The following TP53BP2 variants were observed in gnomAD, a reference collection of about 807,000 sequenced individuals.
TP53BP2 encodes apoptosis-stimulating of p53 protein 2.
In TP53BP2, 62 loss-of-function variants were observed where a neutral mutation model predicts 126.2. That is an observed-to-expected ratio of 0.49 (90% CI 0.40 to 0.61). TP53BP2 has a LOEUF of 0.61. Ranked by LOEUF, TP53BP2 falls within the 20% of genes least tolerant of loss-of-function variation. The probability of loss-of-function intolerance (pLI) is 0.00; values close to 1 mark genes in which losing one functional copy is unlikely to be tolerated. For missense variants in TP53BP2, 1,215 were observed against 1,402.8 expected (o/e 0.87, Z 2.14); for synonymous variants, 485 against 502.9 (o/e 0.96, Z 0.48).
chr1:223,806,813 G>C (rs760299064), intron 5 of TP53BP2, 33 bp downstream of exon 5: 1 of 1,557,752 alleles, frequency 6.4e-7, no homozygotes, highest in Non-Finnish European at 8.8e-7. Context: ...GACAGAGTGA[G>C]CATTCATCTC....
chr1:223,812,068 C>CA (rs560438443), intron 3 of TP53BP2, among the ~76,000 whole-genome samples: 3,411 of 130,806 alleles, frequency 0.026, 57 homozygotes, highest in Middle Eastern at 0.088. Flanking sequence ...TATAAAACTA[C>CA]AAAAAAAAAA....
intron 17 of TP53BP2, among the ~76,000 whole-genome samples, chr1:223,782,809 G>T (rs1153943): frequency 0.19 from 29,268 of 151,984 alleles, 4,748 homozygotes; most frequent in African/African-American, 0.43. Flanking sequence ...TTCACTTTCA[G>T]TATTCTTTAA....
At chr1:223,827,698 G>A (rs560919105) in intron 1 of TP53BP2, among the ~76,000 whole-genome samples, 1 of 152,194 alleles carries the variant, frequency 6.6e-6, no homozygotes, top group South Asian at 2.1e-4. Flanking sequence ...GTGTTGACAG[G>A]AAACTAACTA....
At chr1:223,789,967 T>C (rs939974925) in intron 15 of TP53BP2, among the ~76,000 whole-genome samples, 2 of 151,706 alleles carry the variant, frequency 1.3e-5, no homozygotes, top group Non-Finnish European at 2.9e-5. Context: ...TCCCCTTTAT[T>C]CTCCTTGGGT....
At chr1:223,836,034 G>A (rs1183111204) in intron 1 of TP53BP2, among the ~76,000 whole-genome samples, 1 of 152,152 alleles carries the variant, frequency 6.6e-6, no homozygotes, top group Non-Finnish European at 1.5e-5. Context: ...GAGAAACACT[G>A]TGTATAAAGA....
At chr1:223,840,700 T>C (rs1032178563) in intron 1 of TP53BP2, among the ~76,000 whole-genome samples, 1 of 152,238 alleles carries the variant, frequency 6.6e-6, no homozygotes, top group Non-Finnish European at 1.5e-5. Flanking sequence ...TTTTATTGTC[T>C]GCTGAGGCGG....
intron 5 of TP53BP2, 85 bp downstream of exon 5, chr1:223,806,761 T>C (rs1571854807): frequency 3.0e-6 from 3 of 994,338 alleles, no homozygotes; most frequent in South Asian, 2.9e-5. Flanking sequence ...GAGGCGGAGG[T>C]TGCAGTGAGC....
chr1:223,827,974 A>C (rs918253569), intron 1 of TP53BP2, among the ~76,000 whole-genome samples: 2 of 152,176 alleles, frequency 1.3e-5, no homozygotes, highest in Non-Finnish European at 2.9e-5. Context: ...TTTTCTGTCT[A>C]ATAAAAAAAT....
At chr1:223,823,196 C>T (rs1407519247) in intron 1 of TP53BP2, among the ~76,000 whole-genome samples, 1 of 152,200 alleles carries the variant, frequency 6.6e-6, no homozygotes, top group Non-Finnish European at 1.5e-5. Context: ...AGTCACACAA[C>T]TCCCCTTCCA....
chr1:223,802,817 C>T lies in TP53BP2; in HGVS notation c.910G>A (p.Val304Met), dbSNP rs746998207. 11 of 1,614,078 alleles carry T rather than the reference C, an allele frequency of 6.8e-6. No homozygotes were observed. Among genetic ancestry groups the T allele is most frequent in the Admixed American group, 3.3e-5 (2 of 60,006 alleles). The change falls in exon 8 of 18, where the codon GTG becomes ATG. Residue 304 changes from valine to methionine, a missense_variant. Val to Met is a conservative substitution (Grantham distance 21, BLOSUM62 1). This residue lies in a region of TP53BP2 where 814 missense variants were observed against 853.0 expected (regional missense o/e 0.95). Coordinates refer to ENST00000343537, the MANE Select transcript of TP53BP2 (RefSeq NM_001031685.3). Reference protein sequence around the residue: ...RECLNKRNSEVAVMDKRVNEL... With the variant: ...RECLNKRNSEMAVMDKRVNEL... ...TTAACACGCTTATCCATGACTGCCA[C>T]TTCTGAATTACGCTTATTCAAACAC...
At chr1:223,804,088 C>A in intron 6 of TP53BP2, 86 bp downstream of exon 6, 2 of 1,429,524 alleles carry the variant, frequency 1.4e-6, no homozygotes, top group Non-Finnish European at 1.9e-6. Flanking sequence ...TTCAAAAGAC[C>A]AGCCTGGGCA....
intron 1 of TP53BP2, among the ~76,000 whole-genome samples, chr1:223,822,057 C>A (rs1370930690): frequency 6.6e-6 from 1 of 151,834 alleles, no homozygotes; most frequent in African/African-American, 2.4e-5. Context: ...TCACACCACA[C>A]CACGCCATGC....
At chr1:223,789,997 A>T (rs1490395775) in intron 15 of TP53BP2, among the ~76,000 whole-genome samples, 2 of 152,034 alleles carry the variant, frequency 1.3e-5, no homozygotes, top group Non-Finnish European at 2.9e-5. Context: ...TGAAAAAAAA[A>T]TTTAGACCAG....
At chr1:223,825,934 A>C (rs2102877719) in intron 1 of TP53BP2, 1 of 152,512 alleles carries the variant, frequency 6.6e-6, no homozygotes, top group Middle Eastern at 3.4e-3. Context: ...CAACCTCCTA[A>C]GGCACAAAGC....
chr1:223,832,988 C>T (rs577020031), intron 1 of TP53BP2, among the ~76,000 whole-genome samples: 1 of 152,288 alleles, frequency 6.6e-6, no homozygotes, highest in Admixed American at 6.5e-5. Flanking sequence ...ATATTTGAGT[C>T]CTTTCCCTCA....
chr1:223,818,501 T>TAAAAA (rs1663174086), intron 2 of TP53BP2, among the ~76,000 whole-genome samples: 1 of 80,780 alleles, frequency 1.2e-5, no homozygotes, highest in Non-Finnish European at 2.1e-5. Context: ...AGACTCCATC[T>TAAAAA]CAAAAAAAAA....
At chr1:223,838,395 T>C (rs1663991717) in intron 1 of TP53BP2, among the ~76,000 whole-genome samples, 4 of 152,204 alleles carry the variant, frequency 2.6e-5, no homozygotes, top group Admixed American at 2.6e-4. Flanking sequence ...TCATTCAAAA[T>C]CAGCCCCTAA....
rs1307376834 is a variant in TP53BP2 at position 223,784,144 on chromosome 1, CCTT to C, written c.3331_3333del (p.Lys1111del). ...AGCAAGTTACGTGGAACATATCCCT[CCTT>C]ATCATTAAGGCGCGCCCACCACCAT... is the stretch of plus-strand genomic sequence containing the variant. On this transcript the variant is annotated inframe_deletion, in exon 17 of 18. Transcript: ENST00000343537. The C allele has an allele frequency of 1.9e-6, 3 of 1,614,190 alleles. No homozygotes were observed. Among genetic ancestry groups the C allele is most frequent in the Non-Finnish European group, 2.5e-6 (3 of 1,180,028 alleles).
At chr1:223,839,188 T>A (rs1664022369) in intron 1 of TP53BP2, among the ~76,000 whole-genome samples, 1 of 152,228 alleles carries the variant, frequency 6.6e-6, no homozygotes, top group African/African-American at 2.4e-5. Flanking sequence ...AGAGTATGTG[T>A]TTGCAGGCAG....
Sources: allele counts gnomAD v4.1 joint callset (sites outside exome capture counted in the v4.1 genomes callset), GRCh38; gene constraint gnomAD v4.1.1; regional missense constraint gnomAD v4.1.1; transcripts MANE v1.5; gene names NCBI Gene and HGNC (gene_info 2026-07-23, HGNC 2026-07-21).